Variants in EIF4ENIF1 observed in about 807,000 individuals in gnomAD.
The protein encoded by EIF4ENIF1 is eukaryotic translation initiation factor 4E nuclear import factor 1.
Under a neutral mutation model 110.5 loss-of-function variants are expected in EIF4ENIF1, and 23 were observed. The ratio of observed to expected loss-of-function variants is 0.21; its 90% CI spans 0.15 to 0.29. EIF4ENIF1 has a LOEUF of 0.29. EIF4ENIF1 is among the 10% of genes least tolerant of loss of function. EIF4ENIF1 has a pLI of 1.00. For missense variants in EIF4ENIF1, 1,031 were observed against 1,221.1 expected (o/e 0.84, Z 2.32); for synonymous variants, 440 against 437.0 (o/e 1.01, Z -0.09).
chr22:31,487,414 A>G (rs1031096411), intron 2 of EIF4ENIF1, among the ~76,000 whole-genome samples: 2 of 152,228 alleles, frequency 1.3e-5, no homozygotes, highest in African/African-American at 4.8e-5. Context: ...AGTAGGTAAG[A>G]GTAGTGCACC....
chr22:31,464,021 CT>C, intron 4 of EIF4ENIF1, 54 bp from the exon 5 acceptor site: 2 of 1,558,218 alleles, frequency 1.3e-6, no homozygotes, highest in South Asian at 2.4e-5. Flanking sequence ...GTGTTTTCTT[CT>C]TTTTTAGATA....
chr22:31,472,005 A>G (rs1023593245), intron 2 of EIF4ENIF1, 88 bp from the exon 3 acceptor site: 260 of 1,012,764 alleles, frequency 2.6e-4, no homozygotes, highest in Non-Finnish European at 3.6e-5. Context: ...CTAAGTGTCC[A>G]TCTTAAACAC....
chr22:31,452,390 TCATC>T (rs2050700600), intron 10 of EIF4ENIF1, among the ~76,000 whole-genome samples: 1 of 152,246 alleles, frequency 6.6e-6, no homozygotes, highest in African/African-American at 2.4e-5. Context: ...CTTGAATGTG[TCATC>T]CATCCGTTTG....
At chr22:31,470,067 GGCAGGAGAATC>G (rs1322912467) in intron 3 of EIF4ENIF1, among the ~76,000 whole-genome samples, 1 of 150,812 alleles carries the variant, frequency 6.6e-6, no homozygotes, top group Non-Finnish European at 1.5e-5. Context: ...GGGAGGCTGA[GGCAGGAGAATC>G]GCTTGAACCC....
At position 31,440,681 on chromosome 22, in the gene EIF4ENIF1, A is replaced by G. The variant is rs372600118; in HGVS notation, c.2716+23T>C. On this transcript the variant is annotated intron_variant, in intron 18 of 18. Coordinates refer to ENST00000330125, the MANE Select transcript of EIF4ENIF1 (RefSeq NM_019843.4). ...GACTCCCTAAGTCCGTCCCAAACTC[A>G]CCTGTCACATTCCTGAACCTACCTG... 58 of 1,608,250 alleles carry G rather than the reference A, an allele frequency of 3.6e-5. No homozygotes were observed. The African/African-American group carries it at 6.7e-4, about 19-fold the overall frequency.
chr22:31,469,254 A>C (rs2051285633), intron 3 of EIF4ENIF1, among the ~76,000 whole-genome samples: 1 of 152,232 alleles, frequency 6.6e-6, no homozygotes. Context: ...CATCTTCTGC[A>C]GAAAGAACTT....
chr22:31,477,869 AAAGT>A (rs1431589652), intron 2 of EIF4ENIF1, among the ~76,000 whole-genome samples: 1 of 152,208 alleles, frequency 6.6e-6, no homozygotes, highest in Non-Finnish European at 1.5e-5. Context: ...CTGTTCTTGA[AAAGT>A]AAGACTTCTT....
At chr22:31,445,550 A>C (rs565208327) in intron 14 of EIF4ENIF1, among the ~76,000 whole-genome samples, 28 of 152,318 alleles carry the variant, frequency 1.8e-4, no homozygotes, top group African/African-American at 6.7e-4. Context: ...CCCAAACTTG[A>C]GGGTCCCACA....
chr22:31,448,828 A>G (rs1164441143), intron 12 of EIF4ENIF1, among the ~76,000 whole-genome samples: 2 of 152,240 alleles, frequency 1.3e-5, no homozygotes, highest in Admixed American at 6.5e-5. Context: ...GACTTCTACT[A>G]TATCAAAGAA....
chr22:31,463,532 G>C, intron 5 of EIF4ENIF1, 149 bp downstream of exon 5: 1 of 792,252 alleles, frequency 1.3e-6, no homozygotes, highest in Non-Finnish European at 1.9e-6. Flanking sequence ...AATATAAAAA[G>C]TTAGCCGGGT....
At chr22:31,488,278 C>T (rs987943091) in intron 2 of EIF4ENIF1, among the ~76,000 whole-genome samples, 1 of 152,118 alleles carries the variant, frequency 6.6e-6, no homozygotes, top group Non-Finnish European at 1.5e-5. Flanking sequence ...AACTTTGTAA[C>T]GCATCCTAGG....
rs781773317 is a variant in EIF4ENIF1 at position 31,471,867 on chromosome 22, T to C, written c.147A>G (p.Ser49=). 1 of 1,607,598 alleles carries C rather than the reference T, an allele frequency of 6.2e-7. No individual in the cohort carries two copies. The highest frequency in any genetic ancestry group is 1.7e-5 in the Admixed American group (1 of 58,224). ...KELPHSKQRP[S]CLSEKYDSDG... is the part of the protein sequence containing the mutation. ...ACCTGTCATATTTTTCAGAAAGGCA[T>C]GAAGGCCTCTGTTTGGAATGGGGGA... The change falls in exon 3 of 19, where the codon TCA becomes TCG. Residue 49 remains serine (S), a synonymous_variant. Coordinates refer to ENST00000330125, the MANE Select transcript of EIF4ENIF1 (RefSeq NM_019843.4).
intron 2 of EIF4ENIF1, among the ~76,000 whole-genome samples, chr22:31,479,702 T>G (rs2051738678): frequency 6.6e-6 from 1 of 151,664 alleles, no homozygotes; most frequent in South Asian, 2.1e-4. Flanking sequence ...TTTTTTTTTT[T>G]TTTTAATCTA....
chr22:31,483,071 G>A (rs1231866073), intron 2 of EIF4ENIF1, among the ~76,000 whole-genome samples: 2 of 150,390 alleles, frequency 1.3e-5, no homozygotes, highest in Non-Finnish European at 3.0e-5. Flanking sequence ...ATAGTGGGAT[G>A]GCCTAAAACA....
intron 17 of EIF4ENIF1, among the ~76,000 whole-genome samples, chr22:31,441,406 G>A (rs148843885): frequency 0.011 from 1,725 of 151,684 alleles, 13 homozygotes; most frequent in Middle Eastern, 0.024. Context: ...CGGGTGTGGC[G>A]GCGTGCACCT....
chr22:31,440,820 C>G lies in EIF4ENIF1; in HGVS notation c.2600G>C (p.Gly867Ala). 6.2e-7 allele frequency: 1 copy of G among 1,613,946 alleles called. No homozygotes were observed. Among genetic ancestry groups the G allele is most frequent in the Non-Finnish European group, 8.5e-7 (1 of 1,179,850 alleles). ...MDLSHLQGIS[G>A]PILGQPFYPL... ...GTAAAAGGGCTGACCCAGGATGGGG[C>G]CAGATATTCCCTGTAAATGACTCAA... Residue 867 changes from glycine (G) to alanine (A), a missense_variant, in exon 18 of 19, where the codon GGC (glycine) becomes GCC (alanine). Coordinates refer to ENST00000330125, the MANE Select transcript of EIF4ENIF1 (RefSeq NM_019843.4).
intron 2 of EIF4ENIF1, among the ~76,000 whole-genome samples, chr22:31,483,987 G>A (rs2051924866): frequency 6.6e-6 from 1 of 152,086 alleles, no homozygotes; most frequent in African/African-American, 2.4e-5. Flanking sequence ...TCTAACTTGA[G>A]GTCCTAAAAT....
chr22:31,477,357 C>CAAAAAAAAAA (rs749894840), intron 2 of EIF4ENIF1, among the ~76,000 whole-genome samples: 88 of 46,576 alleles, frequency 1.9e-3, no homozygotes, highest in East Asian at 0.017. Context: ...CCTCTGTCTC[C>CAAAAAAAAAA]AAAAAAAAAA....
At chr22:31,473,588 A>C (rs571011404) in intron 2 of EIF4ENIF1, among the ~76,000 whole-genome samples, 11 of 152,096 alleles carry the variant, frequency 7.2e-5, no homozygotes, top group Non-Finnish European at 1.6e-4. Context: ...CCTTTCTGTA[A>C]AAGAACATTA....
Sources: allele counts gnomAD v4.1 joint callset (sites outside exome capture counted in the v4.1 genomes callset), GRCh38; gene constraint gnomAD v4.1.1; transcripts MANE v1.5; gene names NCBI Gene and HGNC (gene_info 2026-07-23, HGNC 2026-07-21).